The following GALNTL6 variants were observed in gnomAD, a reference collection of about 807,000 sequenced individuals.
GALNTL6 encodes polypeptide N-acetylgalactosaminyltransferase like 6.
In GALNTL6, 46 loss-of-function variants were observed where a neutral mutation model predicts 73.7. The ratio of observed to expected loss-of-function variants is 0.62; its 90% CI spans 0.49 to 0.80. The LOEUF (loss-of-function observed/expected upper bound fraction) is 0.80, where lower values mean the gene tolerates loss of function less well. Among genes scored for constraint, GALNTL6 ranks in the 30% least tolerant of loss-of-function variants. The pLI is 0.00. For synonymous variants in GALNTL6, 259 were observed against 263.7 expected (o/e 0.98, Z 0.17); for missense variants, 604 against 755.0 (o/e 0.80, Z 2.34).
At chr4:172,937,906 C>T (rs1329815682) in intron 9 of GALNTL6, among the ~76,000 whole-genome samples, 2 of 152,002 alleles carry the variant, frequency 1.3e-5, no homozygotes, top group African/African-American at 4.8e-5. Context: ...AATATATGCC[C>T]TATATAGCAT....
At chr4:171,864,493 T>C (rs1257398859) in intron 2 of GALNTL6, among the ~76,000 whole-genome samples, 1 of 152,232 alleles carries the variant, frequency 6.6e-6, no homozygotes, top group Non-Finnish European at 1.5e-5. Context: ...GGTATGTCTA[T>C]AGTGTAACAA....
chr4:171,992,109 T>A (rs1740354818), intron 2 of GALNTL6, among the ~76,000 whole-genome samples: 1 of 152,144 alleles, frequency 6.6e-6, no homozygotes, highest in East Asian at 1.9e-4. Context: ...TCGCAATTCA[T>A]GACTCAGATA....
chr4:171,979,125 A>C (rs1381407884), intron 2 of GALNTL6, among the ~76,000 whole-genome samples: 14 of 152,206 alleles, frequency 9.2e-5, no homozygotes, highest in Non-Finnish European at 4.4e-5. Context: ...TAAGAGTATC[A>C]CAAGATTCAT....
intron 5 of GALNTL6, among the ~76,000 whole-genome samples, chr4:172,503,751 A>G (rs1734348729): frequency 6.6e-6 from 1 of 152,096 alleles, no homozygotes; most frequent in South Asian, 2.1e-4. Flanking sequence ...TTCTAAACAG[A>G]AAACATCAGC....
chr4:172,738,306 T>C (rs1736587960), intron 5 of GALNTL6, among the ~76,000 whole-genome samples: 1 of 152,202 alleles, frequency 6.6e-6, no homozygotes, highest in African/African-American at 2.4e-5. Context: ...TGCTCAGTTT[T>C]TCCACTTCTC....
intron 5 of GALNTL6, among the ~76,000 whole-genome samples, chr4:172,502,637 T>A (rs1579135319): frequency 6.6e-6 from 1 of 152,166 alleles, no homozygotes; most frequent in East Asian, 1.9e-4. Context: ...GTCCTTAGAT[T>A]TTTAAGCACC....
chr4:172,245,376 C>T (rs1022471482), intron 3 of GALNTL6, among the ~76,000 whole-genome samples: 3 of 152,232 alleles, frequency 2.0e-5, no homozygotes, highest in Non-Finnish European at 4.4e-5. Flanking sequence ...TTGCCATAGA[C>T]TTGATGGGAG....
chr4:172,648,640 A>G (rs1560856114), intron 5 of GALNTL6, among the ~76,000 whole-genome samples: 1 of 152,178 alleles, frequency 6.6e-6, no homozygotes, highest in Non-Finnish European at 1.5e-5. Flanking sequence ...CATTCAGTGA[A>G]CAGTATAATA....
intron 3 of GALNTL6, among the ~76,000 whole-genome samples, chr4:172,308,651 C>A (rs1383702196): frequency 1.3e-5 from 2 of 151,990 alleles, no homozygotes; most frequent in Non-Finnish European, 2.9e-5. Context: ...TTGCACCTGG[C>A]ATAAAATTTT....
chr4:172,824,129 T>C (rs1484593520), intron 7 of GALNTL6, among the ~76,000 whole-genome samples: 2 of 152,186 alleles, frequency 1.3e-5, no homozygotes, highest in African/African-American at 2.4e-5. Flanking sequence ...GAACAATATG[T>C]ATAGCTCTAA....
chr4:172,267,397 AG>A (rs1738485331), intron 3 of GALNTL6, among the ~76,000 whole-genome samples: 4 of 152,134 alleles, frequency 2.6e-5, no homozygotes, highest in Admixed American at 2.6e-4. Context: ...TAGAGGAAAT[AG>A]TGCATAGGTT....
intron 5 of GALNTL6, among the ~76,000 whole-genome samples, chr4:172,549,931 A>G (rs1312962291): frequency 6.6e-6 from 1 of 152,208 alleles, no homozygotes; most frequent in Non-Finnish European, 1.5e-5. Context: ...AGAGAAATCT[A>G]TAAATTGCTG....
intron 2 of GALNTL6, among the ~76,000 whole-genome samples, chr4:172,149,066 A>G (rs1264657095): frequency 1.3e-5 from 2 of 152,198 alleles, no homozygotes; most frequent in South Asian, 4.1e-4. Flanking sequence ...TGTAAAGCTT[A>G]TTTGTTAGAT....
chr4:172,988,250 A>G (rs1579748315), intron 10 of GALNTL6, among the ~76,000 whole-genome samples: 1 of 152,338 alleles, frequency 6.6e-6, no homozygotes, highest in Admixed American at 6.5e-5. Flanking sequence ...GAACTGGACT[A>G]AAGGTCACTC....
chr4:172,892,563 T>C (rs998009529), intron 8 of GALNTL6, among the ~76,000 whole-genome samples: 2 of 151,998 alleles, frequency 1.3e-5, no homozygotes, highest in African/African-American at 4.8e-5. Flanking sequence ...GCCAAGCTCC[T>C]CTTGGAGCTT....
intron 2 of GALNTL6, among the ~76,000 whole-genome samples, chr4:172,156,566 T>TATATAATATATATATATATATATATAC (rs1491429510): frequency 9.8e-6 from 1 of 102,036 alleles, no homozygotes; most frequent in African/African-American, 3.9e-5. Flanking sequence ...TATATATATA[T>TATATAATATATATATATATATATATAC]ACATACTATA....
intron 5 of GALNTL6, among the ~76,000 whole-genome samples, chr4:172,675,993 A>T (rs1177392090): frequency 1.3e-5 from 2 of 152,212 alleles, no homozygotes; most frequent in Non-Finnish European, 2.9e-5. Flanking sequence ...AAGAGAAAAA[A>T]TGTGGAAGAA....
chr4:172,609,625 C>CTCTCTCTCTGTGTGTG (rs753051714), intron 5 of GALNTL6, among the ~76,000 whole-genome samples: 1 of 92,778 alleles, frequency 1.1e-5, no homozygotes, highest in African/African-American at 4.6e-5. Context: ...CTCTCTCTCT[C>CTCTCTCTCTGTGTGTG]TGTGTGTGTG....
intron 5 of GALNTL6, among the ~76,000 whole-genome samples, chr4:172,706,970 TC>T (rs1371246277): frequency 6.6e-6 from 1 of 152,158 alleles, no homozygotes; most frequent in East Asian, 1.9e-4. Flanking sequence ...TTGCAGTACT[TC>T]CTATGGGTTG....
Sources: gnomAD v4.1 joint callset for allele counts (sites outside exome capture counted in the v4.1 genomes callset) on GRCh38, gnomAD v4.1.1 for gene constraint, MANE v1.5 for transcripts, NCBI Gene and HGNC (gene_info 2026-07-23, HGNC 2026-07-21) for gene names.